DPP10: variants seen among roughly 807,000 people sequenced by gnomAD.
The protein encoded by DPP10 is dipeptidyl peptidase like 10.
Under a neutral mutation model 120.9 loss-of-function variants are expected in DPP10, and 33 were observed. The observed-to-expected ratio is 0.27, with a 90% confidence interval of 0.21 to 0.37. The LOEUF (loss-of-function observed/expected upper bound fraction) is 0.37. Ranked by LOEUF, DPP10 falls within the 10% of genes least tolerant of loss-of-function variation. The pLI is 1.00. For synonymous variants in DPP10, 337 were observed against 326.1 expected, an observed-to-expected ratio of 1.03 and a Z score of -0.36; for missense variants, 816 against 942.8, an observed-to-expected ratio of 0.87 and a Z score of 1.76.
chr2:115,624,660 C>T (rs2085221004), intron 5 of DPP10, among the ~76,000 whole-genome samples: 1 of 152,176 alleles, frequency 6.6e-6, no homozygotes. Context: ...ATACTTATTT[C>T]AGTTATTGTG....
chr2:115,579,434 A>G (rs1361726186), intron 5 of DPP10: 1 of 152,152 alleles, frequency 6.6e-6, no homozygotes, highest in African/African-American at 2.4e-5. Context: ...CAAAATCCTA[A>G]ATGAGTCTTG....
intron 1 of DPP10, among the ~76,000 whole-genome samples, chr2:114,708,994 G>C (rs1163357469): frequency 6.6e-6 from 1 of 152,078 alleles, no homozygotes; most frequent in Non-Finnish European, 1.5e-5. Context: ...GGCCTCAAGG[G>C]ACCCACCCGC....
chr2:115,806,341 C>A (rs1318100279), intron 19 of DPP10, among the ~76,000 whole-genome samples: 1 of 152,102 alleles, frequency 6.6e-6, no homozygotes, highest in Non-Finnish European at 1.5e-5. Context: ...AATTTCTTTA[C>A]CGCTATATGT....
intron 1 of DPP10, among the ~76,000 whole-genome samples, chr2:114,664,224 T>G (rs540966289): frequency 1.3e-5 from 2 of 152,078 alleles, no homozygotes; most frequent in East Asian, 1.9e-4. Context: ...TCTGAACTCC[T>G]TTCCCTTCTT....
intron 1 of DPP10, among the ~76,000 whole-genome samples, chr2:114,743,936 C>T (rs912701650): frequency 6.6e-6 from 1 of 151,898 alleles, no homozygotes; most frequent in Non-Finnish European, 1.5e-5. Flanking sequence ...TAATAAGCAA[C>T]TTTATTACAA....
At chr2:115,490,254 T>A (rs1305955093) in intron 3 of DPP10, among the ~76,000 whole-genome samples, 2 of 152,108 alleles carry the variant, frequency 1.3e-5, no homozygotes, top group Non-Finnish European at 2.9e-5. Flanking sequence ...AAACTTACAA[T>A]CATGGCAGAA....
At chr2:115,289,927 A>G (rs982620737) in intron 1 of DPP10, among the ~76,000 whole-genome samples, 1 of 152,182 alleles carries the variant, frequency 6.6e-6, no homozygotes, top group Non-Finnish European at 1.5e-5. Context: ...TTTTCTGGAC[A>G]TTGGCCTAGG....
intron 1 of DPP10, among the ~76,000 whole-genome samples, chr2:115,182,914 C>G (rs1178006500): frequency 6.6e-6 from 1 of 152,080 alleles, no homozygotes; most frequent in Non-Finnish European, 1.5e-5. Context: ...GAGTGGTAAA[C>G]TTAGCTCCAC....
In DPP10 at chr2:114,477,027, C is replaced by T. The variant is rs576815904; in HGVS notation, c.60+34189C>T. ...AGGCTGGAGTGCAGTGGCATGATTT[C>T]GGCTCACTGCACCCTCTGCCTCCCC... On this transcript the variant is annotated intron_variant, in intron 1 of 25. Transcript: ENST00000410059. Among the ~76,000 whole-genome samples, 10 of 151,708 alleles carry T rather than the reference C, an allele frequency of 6.6e-5. No homozygotes were observed. In the South Asian group the frequency reaches 1.5e-3, roughly 22 times the overall value.
intron 7 of DPP10, among the ~76,000 whole-genome samples, chr2:115,720,319 CT>C (rs2092614419): frequency 6.6e-6 from 1 of 152,058 alleles, no homozygotes; most frequent in African/African-American, 2.4e-5. Context: ...AAAATAAGCA[CT>C]TTTCATTTAT....
At chr2:114,672,856 C>T (rs922501765) in intron 1 of DPP10, among the ~76,000 whole-genome samples, 1 of 152,120 alleles carries the variant, frequency 6.6e-6, no homozygotes, top group Non-Finnish European at 1.5e-5. Context: ...GCACTGAGAC[C>T]CTTCTTCCAT....
chr2:114,733,493 CATA>C (rs1247538301), intron 1 of DPP10, among the ~76,000 whole-genome samples: 2 of 152,140 alleles, frequency 1.3e-5, no homozygotes, highest in African/African-American at 4.8e-5. Context: ...ATTTCCTACT[CATA>C]ATAATATCAA....
chr2:114,844,332 G>A (rs1029308339), intron 1 of DPP10, among the ~76,000 whole-genome samples: 26 of 151,898 alleles, frequency 1.7e-4, no homozygotes, highest in Admixed American at 3.9e-4. Flanking sequence ...AAGATAAGAC[G>A]ACAGCGGTCA....
intron 1 of DPP10, among the ~76,000 whole-genome samples, chr2:114,481,909 G>C (rs1162104043): frequency 6.6e-6 from 1 of 150,634 alleles, no homozygotes; most frequent in Non-Finnish European, 1.5e-5. Context: ...GAGGAGAAGG[G>C]AGAAGGAGGA....
At chr2:115,352,437 C>T (rs1341882453) in intron 3 of DPP10, among the ~76,000 whole-genome samples, 1 of 152,140 alleles carries the variant, frequency 6.6e-6, no homozygotes, top group Admixed American at 6.6e-5. Context: ...CTTTGATATT[C>T]TATACAATTG....
chr2:115,486,303 G>T (rs1034086023), intron 3 of DPP10, among the ~76,000 whole-genome samples: 4 of 152,048 alleles, frequency 2.6e-5, no homozygotes, highest in Admixed American at 6.6e-5. Flanking sequence ...CAACTGAAAT[G>T]CTAATGAGAA....
At chr2:115,297,870 T>G (rs1262720750) in intron 1 of DPP10, among the ~76,000 whole-genome samples, 1 of 151,994 alleles carries the variant, frequency 6.6e-6, no homozygotes, top group East Asian at 1.9e-4. Flanking sequence ...TCCCAGAAAT[T>G]TTGGGCTATT....
intron 1 of DPP10, among the ~76,000 whole-genome samples, chr2:115,114,518 T>C (rs1308816956): frequency 6.6e-6 from 1 of 152,142 alleles, no homozygotes; most frequent in East Asian, 1.9e-4. Flanking sequence ...ATATTTATTC[T>C]CAAGGAGTTA....
intron 1 of DPP10, among the ~76,000 whole-genome samples, chr2:114,844,141 C>G (rs1688368447): frequency 2.6e-5 from 4 of 151,978 alleles, no homozygotes; most frequent in African/African-American, 9.7e-5. Flanking sequence ...TTCTTTACTC[C>G]TTAGAGAGTG....
Sources: allele counts gnomAD v4.1 joint callset (sites outside exome capture counted in the v4.1 genomes callset), GRCh38; gene constraint gnomAD v4.1.1; transcripts MANE v1.5; gene names NCBI Gene and HGNC (gene_info 2026-07-23, HGNC 2026-07-21).